The following OPCML variants were observed in gnomAD, a reference collection of about 807,000 sequenced individuals.
OPCML encodes the protein opioid-binding protein/cell adhesion molecule.
OPCML carries 13 observed loss-of-function variants against 37.8 expected under a neutral mutation model. The observed-to-expected ratio is 0.34, with a 90% CI of 0.22 to 0.55. The LOEUF is 0.55. OPCML is among the 20% of genes least tolerant of loss of function. The pLI, the probability that OPCML is intolerant of heterozygous loss-of-function variation, is 0.91. For synonymous variants in OPCML, 176 were observed against 168.8 expected, an observed-to-expected ratio of 1.04 and a Z score of -0.33; for missense variants, 341 against 435.6, an observed-to-expected ratio of 0.78 and a Z score of 1.93.
At chr11:133,329,500 A>G (rs1943566325) in intron 1 of OPCML, among the ~76,000 whole-genome samples, 2 of 152,208 alleles carry the variant, frequency 1.3e-5, no homozygotes, top group Non-Finnish European at 2.9e-5. Flanking sequence ...AGACCAATGG[A>G]ACAGAACAGA....
At chr11:133,490,978 T>C (rs1225506052) in intron 1 of OPCML, among the ~76,000 whole-genome samples, 1 of 152,232 alleles carries the variant, frequency 6.6e-6, no homozygotes, top group Non-Finnish European at 1.5e-5. Flanking sequence ...TTGCTAAGTG[T>C]CTTGCTTGCT....
At chr11:133,111,202 G>A (rs944906370) in intron 1 of OPCML, among the ~76,000 whole-genome samples, 1 of 152,188 alleles carries the variant, frequency 6.6e-6, no homozygotes, top group East Asian at 1.9e-4. Flanking sequence ...ATGCACAAAT[G>A]TGCTATGACC....
intron 1 of OPCML, among the ~76,000 whole-genome samples, chr11:133,369,707 C>T (rs1227149983): frequency 6.6e-6 from 1 of 152,138 alleles, no homozygotes; most frequent in African/African-American, 2.4e-5. Context: ...CATACACACA[C>T]ACATACACAC....
intron 3 of OPCML, among the ~76,000 whole-genome samples, chr11:132,627,862 G>A (rs1257499329): frequency 6.6e-6 from 1 of 152,306 alleles, no homozygotes; most frequent in African/African-American, 2.4e-5. Flanking sequence ...ATAACTTTGG[G>A]AAGAAGAGTT....
intron 1 of OPCML, among the ~76,000 whole-genome samples, chr11:133,052,317 A>T (rs1239619958): frequency 2.0e-5 from 3 of 152,244 alleles, no homozygotes; most frequent in Non-Finnish European, 4.4e-5. Context: ...TAGAATAATC[A>T]TTTGAGGTCA....
chr11:133,010,353 T>A (rs1450447671), intron 1 of OPCML, among the ~76,000 whole-genome samples: 1 of 152,216 alleles, frequency 6.6e-6, no homozygotes, highest in Admixed American at 6.5e-5. Context: ...AATTTGTGAA[T>A]AAATGGGTGA....
At chr11:132,696,863 A>G (rs183557238) in intron 2 of OPCML, among the ~76,000 whole-genome samples, 218 of 152,312 alleles carry the variant, frequency 1.4e-3, no homozygotes, top group African/African-American at 5.1e-3. Context: ...ATAGAAGAAA[A>G]TGTTACCAAC....
intron 1 of OPCML, among the ~76,000 whole-genome samples, chr11:132,994,993 C>T (rs1386407000): frequency 1.3e-5 from 2 of 152,230 alleles, no homozygotes; most frequent in Non-Finnish European, 2.9e-5. Flanking sequence ...TTATAGGTCA[C>T]ATGGTTGGTA....
chr11:132,726,062 C>CCTGTTT (rs1944869657), intron 2 of OPCML, among the ~76,000 whole-genome samples: 1 of 152,194 alleles, frequency 6.6e-6, no homozygotes, highest in African/African-American at 2.4e-5. Flanking sequence ...TTCCTGTCTT[C>CCTGTTT]TCCTGAGCCC....
At chr11:133,333,039 A>G (rs1477474621) in intron 1 of OPCML, among the ~76,000 whole-genome samples, 1 of 151,148 alleles carries the variant, frequency 6.6e-6, no homozygotes, top group Non-Finnish European at 1.5e-5. Flanking sequence ...TAGTAGTAGT[A>G]GTAGTACTAG....
intron 1 of OPCML, among the ~76,000 whole-genome samples, chr11:133,269,817 CTGCAGAAGAGAGTATTG>C (rs1356471489): frequency 8.5e-5 from 13 of 152,280 alleles, no homozygotes; most frequent in Admixed American, 7.2e-4. Context: ...CCATCATTTA[CTGCAGAAGAGAGTATTG>C]TGCAAAGGTT....
intron 1 of OPCML, among the ~76,000 whole-genome samples, chr11:133,236,880 G>A (rs922571861): frequency 1.3e-5 from 2 of 152,094 alleles, no homozygotes; most frequent in Admixed American, 6.5e-5. Context: ...AGTGGAAACC[G>A]GACATAGCAG....
intron 1 of OPCML, among the ~76,000 whole-genome samples, chr11:133,428,495 T>G (rs577778722): frequency 6.6e-6 from 1 of 152,340 alleles, no homozygotes; most frequent in Admixed American, 6.5e-5. Context: ...ACAATGTTGC[T>G]GATAGATAGA....
chr11:132,637,651 T>C (rs1440383311), intron 3 of OPCML, among the ~76,000 whole-genome samples: 1 of 152,194 alleles, frequency 6.6e-6, no homozygotes, highest in Non-Finnish European at 1.5e-5. Context: ...CTACTTTGAA[T>C]ATTAAAGTTC....
intron 1 of OPCML, among the ~76,000 whole-genome samples, chr11:133,209,123 CGCTT>C (rs1208078287): frequency 2.6e-5 from 4 of 152,180 alleles, no homozygotes; most frequent in Non-Finnish European, 4.4e-5. Flanking sequence ...GCCATTATAT[CGCTT>C]AATTACAGCT....
At chr11:132,667,097 C>T (rs909554378) in intron 2 of OPCML, among the ~76,000 whole-genome samples, 2 of 152,318 alleles carry the variant, frequency 1.3e-5, no homozygotes, top group African/African-American at 4.8e-5. Flanking sequence ...GCAGCCAACA[C>T]TTTAACGAAC....
intron 1 of OPCML, among the ~76,000 whole-genome samples, chr11:133,105,550 T>C (rs1456848333): frequency 1.3e-5 from 2 of 152,062 alleles, no homozygotes; most frequent in Non-Finnish European, 2.9e-5. Context: ...AGGCTGAAAA[T>C]GGAGATGGCA....
intron 1 of OPCML, among the ~76,000 whole-genome samples, chr11:133,036,822 G>C (rs1215797676): frequency 6.6e-6 from 1 of 152,198 alleles, no homozygotes; most frequent in African/African-American, 2.4e-5. Flanking sequence ...TGGGAGGGCA[G>C]CCTGGTTTAT....
intron 1 of OPCML, among the ~76,000 whole-genome samples, chr11:133,167,707 T>A (rs1428490321): frequency 6.6e-6 from 1 of 152,086 alleles, no homozygotes; most frequent in Non-Finnish European, 1.5e-5. Flanking sequence ...ATGCTGGAGT[T>A]CCTAAAGCTG....
Sources: gnomAD v4.1 joint callset for allele counts (sites outside exome capture counted in the v4.1 genomes callset) on GRCh38, gnomAD v4.1.1 for gene constraint, MANE v1.5 for transcripts, NCBI Gene and HGNC (gene_info 2026-07-23, HGNC 2026-07-21) for gene names.